TBCD: variants seen among roughly 807,000 people sequenced by gnomAD.
TBCD encodes the protein tubulin folding cofactor D, also known as tubulin-specific chaperone D.
A neutral mutation model predicts 169.3 loss-of-function variants in TBCD; 105 were observed. The ratio of observed to expected loss-of-function variants is 0.62; its 90% CI spans 0.53 to 0.73. The LOEUF (loss-of-function observed/expected upper bound fraction) is 0.73, where lower values mean the gene tolerates loss of function less well. Ranked by LOEUF, TBCD falls within the 30% of genes least tolerant of loss-of-function variation. TBCD has a pLI of 0.00. For missense variants in TBCD, 1,444 were observed against 1,600.1 expected (o/e 0.90, Z 1.66); for synonymous variants, 700 against 643.9 (o/e 1.09, Z -1.32).
At chr17:82,768,621 C>A in intron 5 of TBCD, 55 bp downstream of exon 5, 1 of 1,587,800 alleles carries the variant, frequency 6.3e-7, no homozygotes, top group Non-Finnish European at 8.6e-7. Flanking sequence ...CATGTTCATG[C>A]TGTCTTGATG....
intron 2 of TBCD, among the ~76,000 whole-genome samples, chr17:82,758,715 A>G (rs2047588269): frequency 1.6e-5 from 2 of 123,374 alleles, no homozygotes; most frequent in Non-Finnish European, 3.1e-5. Flanking sequence ...GCTGGAGTAT[A>G]GTGGCCCAAT....
intron 13 of TBCD, among the ~76,000 whole-genome samples, chr17:82,846,398 C>G (rs1598894589): frequency 6.6e-6 from 1 of 152,178 alleles, no homozygotes; most frequent in East Asian, 1.9e-4. Context: ...TCGTCCAGCC[C>G]TCTGCTGCCC....
At chr17:82,940,207 T>G (rs1251954160) in intron 37 of TBCD, among the ~76,000 whole-genome samples, 33 of 76,900 alleles carry the variant, frequency 4.3e-4, no homozygotes, top group Non-Finnish European at 3.6e-4. Context: ...ACACACATGC[T>G]CACTTGCACG....
chr17:82,900,678 C>T lies in TBCD; in HGVS notation c.1677C>T (p.Tyr559=). 6.2e-7 allele frequency: 1 copy of T among 1,614,006 alleles called. No individual in the cohort carries two copies. The highest frequency in any genetic ancestry group is 8.5e-7 in the Non-Finnish European group (1 of 1,179,872). Reference sequence around the variant, plus strand: ...TGTTTATTGCCGGCTTTCCTGAGTACACGCAGCCAATGATAGACCACCTGG... The same window carrying T: ...TGTTTATTGCCGGCTTTCCTGAGTATACGCAGCCAATGATAGACCACCTGG... ...ISVFIAGFPE[Y]TQPMIDHLVT... is the part of the protein sequence containing the mutation. Residue 559 remains tyrosine (Y), a synonymous_variant, in exon 18 of 39, where the codon TAC becomes TAT. Coordinates refer to ENST00000355528, the MANE Select transcript of TBCD (RefSeq NM_005993.5).
intron 36 of TBCD, chr17:82,939,071 T>C: frequency 2.0e-6 from 1 of 490,570 alleles, no homozygotes; most frequent in African/African-American, 1.9e-5. Context: ...GCAGGCGAGA[T>C]TGCTTCTCTG....
At position 82,870,392 on chromosome 17, in the gene TBCD, C is replaced by A. The variant is rs761786040; in HGVS notation, c.1475+12C>A. ...ACTGCAATCTCGAGGTAGGCCCATT[C>A]GTCGAGGTACATCGGATGCGCCGTG... On this transcript the variant is annotated intron_variant, in intron 14 of 38. Transcript: ENST00000355528. 2 of 1,610,494 alleles carry A rather than the reference C, an allele frequency of 1.2e-6. No individual in the cohort carries two copies. The highest frequency in any genetic ancestry group is 2.7e-5 in the African/African-American group (2 of 75,012).
rs1364980040 is a variant in TBCD, at chr17:82,880,224, G to T, written c.1476-3921G>T. Among the ~76,000 whole-genome samples, 1 of 152,052 alleles carries T rather than the reference G, an allele frequency of 6.6e-6. No homozygotes were observed. The highest frequency in any genetic ancestry group is 1.5e-5 in the Non-Finnish European group (1 of 68,016). On this transcript the variant is annotated intron_variant, in intron 14 of 38. Coordinates refer to ENST00000355528, the MANE Select transcript of TBCD (RefSeq NM_005993.5). This position sits in a 1 kb window ranked among gnomAD's most constrained non-coding sequence, Gnocchi z 5.0. The stretch of plus-strand genomic sequence containing the variant: ...AGATGGGGTCTCGCTGTGTTGCCCA[G>T]ACTGTACTCAAATTCCTGGGCTCAA...
intron 2 of TBCD, among the ~76,000 whole-genome samples, chr17:82,758,592 T>C (rs1177614386): frequency 4.7e-5 from 7 of 149,034 alleles, no homozygotes; most frequent in African/African-American, 9.8e-5. Flanking sequence ...AAAAGGAAAA[T>C]GTAGTCGTGG....
At chr17:82,840,953 G>GTTTTT (rs755302623) in intron 13 of TBCD, among the ~76,000 whole-genome samples, 1,287 of 70,540 alleles carry the variant, frequency 0.018, 517 homozygotes, top group East Asian at 0.05. Flanking sequence ...CAGACAAACT[G>GTTTTT]GTTTTTTTTT....
chr17:82,786,420 G>T (rs2049322090), intron 7 of TBCD, among the ~76,000 whole-genome samples: 1 of 152,204 alleles, frequency 6.6e-6, no homozygotes, highest in Non-Finnish European at 1.5e-5. Context: ...CCGAGTGTGG[G>T]TGCTGCTTTG....
chr17:82,801,361 G>A (rs2050506335), intron 9 of TBCD, among the ~76,000 whole-genome samples: 1 of 152,216 alleles, frequency 6.6e-6, no homozygotes, highest in African/African-American at 2.4e-5. Context: ...GAGAGGAATG[G>A]TTTTCTTTTG....
In TBCD at chr17:82,865,755, CT is replaced by C. The variant is rs2145881734; in HGVS notation, c.1319-4465del. On this transcript the variant is annotated intron_variant, in intron 13 of 38. Coordinates refer to ENST00000355528, the MANE Select transcript of TBCD (RefSeq NM_005993.5). ...TTTTTTGTGGAGGGATTATTTCTAC[CT>C]TTTGTGCAGAGAATGCCTGGATCCC... 2.0e-5 allele frequency among the ~76,000 whole-genome samples: 3 copies of C among 152,326 alleles called. No homozygotes were observed. The South Asian group carries it at 6.2e-4, about 32-fold the overall frequency.
At position 82,938,075 on chromosome 17, in the gene TBCD, G is replaced by A; in HGVS notation, c.3308G>A (p.Gly1103Asp). The change falls in exon 36 of 39, where the codon GGC (glycine) becomes GAC (aspartate). Residue 1103 changes from glycine (G) to aspartate (D), a missense_variant. Gly to Asp is a moderately conservative substitution (Grantham distance 94, BLOSUM62 -1). Coordinates refer to ENST00000355528, the MANE Select transcript of TBCD (RefSeq NM_005993.5). ...AVFCEMVQFP[G>D]DVRRQALLQL... ...TTCTGCGAGATGGTGCAGTTCCCCG[G>A]CGACGTGAGGAGGCAGGCCCTCCTG... The A allele has an allele frequency of 6.2e-7, 1 of 1,613,130 alleles. No homozygotes were observed. Among genetic ancestry groups the A allele is most frequent in the South Asian group, 1.1e-5 (1 of 91,078 alleles).
chr17:82,792,875 C>G (rs191508086), intron 7 of TBCD, among the ~76,000 whole-genome samples: 321 of 152,226 alleles, frequency 2.1e-3, no homozygotes, highest in Middle Eastern at 6.8e-3. Flanking sequence ...TCATCCTCCC[C>G]CCTCAGCCTC....
chr17:82,867,161 C>G (rs1221797037), intron 13 of TBCD, among the ~76,000 whole-genome samples: 1 of 148,234 alleles, frequency 6.7e-6, no homozygotes. Flanking sequence ...TCAGCTCCCC[C>G]AGCACCTCCG....
intron 14 of TBCD, among the ~76,000 whole-genome samples, chr17:82,882,527 G>A (rs561827383): frequency 7.9e-4 from 120 of 152,354 alleles, no homozygotes; most frequent in African/African-American, 2.8e-3. Flanking sequence ...ATGCCCTGGG[G>A]ACTCATGGGG....
chr17:82,927,807 G>A lies in TBCD; in HGVS notation c.2610-98G>A, dbSNP rs1599631331. The A allele has an allele frequency of 2.3e-5, 24 of 1,023,524 alleles. No individual in the cohort carries two copies. The East Asian group carries it at 4.3e-4, about 18-fold the overall frequency. The allele number at this position is 1,023,524 out of a possible 1,614,324, so 63.4% of individuals were successfully genotyped here. ...CTGGGCTCTGTGTGGGGTTAGTCAC[G>A]GGTGTCGAATTCACACAGGCTGCCG... On this transcript the variant is annotated intron_variant, in intron 29 of 38. Transcript: ENST00000355528.
rs898095 is a variant in TBCD, at chr17:82,932,762, T to C, written c.3191+27T>C. The C allele has an allele frequency of 0.52, 838,209 of 1,609,724 alleles. 219,449 individuals carry two copies. Among genetic ancestry groups the C allele is most frequent in the East Asian group, 0.58 (25,952 of 44,842 alleles). On this transcript the variant is annotated intron_variant, in intron 34 of 38. Transcript: ENST00000355528. ...TGAGGCTCTGCTTTTCATGACTTCC[T>C]TTCCGATTAAGCCTAAGTAGCTCAT...
rs1378038149 is a variant in TBCD, at chr17:82,927,277, T to C, written c.2563T>C (p.Cys855Arg). Residue 855 changes from cysteine (C) to arginine (R), a missense_variant, in exon 29 of 39, where the codon TGC (cysteine) becomes CGC (arginine). Transcript: ENST00000355528. ...VSQIYCALLG[C>R]MDDYTTDSRG... ...CCAGATTTACTGTGCGCTGCTGGGC[T>C]GCATGGACGACTACACCACGGACAG... is the stretch of plus-strand genomic sequence containing the variant. 1 of 1,613,900 alleles carries C rather than the reference T, an allele frequency of 6.2e-7. No individual in the cohort carries two copies. The highest frequency in any genetic ancestry group is 8.5e-7 in the Non-Finnish European group (1 of 1,179,890).
Sources: gnomAD v4.1 joint callset for allele counts (sites outside exome capture counted in the v4.1 genomes callset) on GRCh38, gnomAD v4.1.1 for gene constraint, Gnocchi (gnomAD v3.1) non-coding constraint, MANE v1.5 for transcripts, NCBI Gene and HGNC (gene_info 2026-07-23, HGNC 2026-07-21) for gene names.